Variants in PPME1 observed in about 807,000 individuals in gnomAD.
PPME1 encodes the protein protein phosphatase methylesterase 1, also known as testicular secretory protein Li 39.
Under a neutral mutation model 56.9 loss-of-function variants are expected in PPME1, and 17 were observed. The ratio of observed to expected loss-of-function variants is 0.30; its 90% CI spans 0.20 to 0.45. PPME1 has a LOEUF of 0.45. Among genes scored for constraint, PPME1 ranks in the 20% least tolerant of loss-of-function variants. PPME1 has a pLI of 1.00. For synonymous variants in PPME1, 122 were observed against 156.2 expected (o/e 0.78, Z 1.63); for missense variants, 357 against 483.2 (o/e 0.74, Z 2.45).
intron 1 of PPME1, among the ~76,000 whole-genome samples, chr11:74,187,948 A>T (rs983971611): frequency 1.3e-5 from 2 of 152,158 alleles, no homozygotes; most frequent in African/African-American, 2.4e-5. Context: ...AGAGAAGGAA[A>T]CAGAAGACCA....
At position 74,254,237 on chromosome 11, in the gene PPME1, G is replaced by T. The variant is rs1859778545; in HGVS notation, c.*727G>T. ...GCCTCCTGCGCCCTCACCTGCCACA[G>T]AGCAACCCAGGTTAAATACAGCCCA... On this transcript the variant is annotated 3_prime_UTR_variant, in exon 14 of 14. Transcript: ENST00000328257. 6.5e-6 allele frequency: 1 copy of T among 153,202 alleles called. No individual in the cohort carries two copies. 9.5% of individuals were successfully genotyped at this position (153,202 alleles called of 1,614,324 possible).
intron 9 of PPME1, among the ~76,000 whole-genome samples, chr11:74,239,513 G>A (rs1859292460): frequency 6.6e-6 from 1 of 150,776 alleles, no homozygotes; most frequent in Non-Finnish European, 1.5e-5. Context: ...TTCTGTTCCT[G>A]TGTTTCCTCC....
intron 3 of PPME1, among the ~76,000 whole-genome samples, chr11:74,217,930 C>G (rs1858698645): frequency 6.6e-6 from 1 of 151,960 alleles, no homozygotes; most frequent in Admixed American, 6.6e-5. Flanking sequence ...GAAGTCTTAG[C>G]TAGAGCAATC....
chr11:74,189,294 T>C (rs1213296458), intron 1 of PPME1, among the ~76,000 whole-genome samples: 2 of 152,094 alleles, frequency 1.3e-5, no homozygotes, highest in Non-Finnish European at 2.9e-5. Flanking sequence ...GCTTTACTTA[T>C]TTATTTATTT....
intron 1 of PPME1, among the ~76,000 whole-genome samples, chr11:74,201,949 C>G (rs1858181011): frequency 6.6e-6 from 1 of 152,040 alleles, no homozygotes; most frequent in Non-Finnish European, 1.5e-5. Flanking sequence ...TCAAGTGCAA[C>G]CAGAAAAGCA....
intron 1 of PPME1, among the ~76,000 whole-genome samples, chr11:74,188,078 T>G (rs569012771): frequency 3.3e-4 from 51 of 152,290 alleles, no homozygotes; most frequent in African/African-American, 1.2e-3. Context: ...TTTAGACCTC[T>G]CAATCTGGGC....
At chr11:74,203,386 G>T (rs1489528088) in intron 1 of PPME1, among the ~76,000 whole-genome samples, 2 of 152,124 alleles carry the variant, frequency 1.3e-5, no homozygotes, top group African/African-American at 2.4e-5. Flanking sequence ...ACAGCCAAGA[G>T]CAAGGTGAAA....
chr11:74,182,994 CA>C (rs34350281), intron 1 of PPME1, among the ~76,000 whole-genome samples: 55,763 of 129,410 alleles, frequency 0.43, 12,634 homozygotes, highest in Admixed American at 0.58. Flanking sequence ...TTGTCTCTAC[CA>C]AAAAAAAAAA....
At position 74,171,358 on chromosome 11, in the gene PPME1, G is replaced by C. The variant is rs1273113214; in HGVS notation, c.-64G>C. On this transcript the variant is annotated 5_prime_UTR_variant, in exon 1 of 14. Coordinates refer to ENST00000328257, the MANE Select transcript of PPME1 (RefSeq NM_016147.3). ...AGGGGAGCGAGTCGTGACCGGTTGGGCCACACTCAACGTGGGACGAAGCTT... is the reference window on the plus strand; with the variant it reads ...AGGGGAGCGAGTCGTGACCGGTTGGCCCACACTCAACGTGGGACGAAGCTT... 1 of 1,546,366 alleles carries C rather than the reference G, an allele frequency of 6.5e-7. No homozygotes were observed.
At position 74,230,240 on chromosome 11, in the gene PPME1, T is replaced by C; in HGVS notation, c.399-5T>C. On this transcript the variant is annotated splice_polypyrimidine_tract_variant and splice_region_variant and intron_variant, in intron 5 of 13. Transcript: ENST00000328257. The surrounding 1 kb of genome is among the most constrained non-coding windows in gnomAD (Gnocchi z 4.9). ...TTCTTAGATCTTTTTCTCTTCTCTT[T>C]GCAGAGACGTTGGCAATGTGGTTGA... 2 of 1,595,786 alleles carry C rather than the reference T, an allele frequency of 1.3e-6. No homozygotes were observed. Among genetic ancestry groups the C allele is most frequent in the South Asian group, 1.1e-5 (1 of 87,390 alleles).
At chr11:74,229,289 T>A (rs80133369) in intron 5 of PPME1, among the ~76,000 whole-genome samples, 7,412 of 152,138 alleles carry the variant, frequency 0.049, 566 homozygotes, top group African/African-American at 0.17. Context: ...TCTTTTGAAG[T>A]TGAACCAGCC....
At chr11:74,252,064 C>T (rs1250442561) in intron 13 of PPME1, among the ~76,000 whole-genome samples, 1 of 151,274 alleles carries the variant, frequency 6.6e-6, no homozygotes, top group Non-Finnish European at 1.5e-5. Context: ...CTTCTCCTGC[C>T]CTGCTGCCAA....
In PPME1 at chr11:74,231,247, G is replaced by A. The variant is rs570624877; in HGVS notation, c.644+245G>A. On this transcript the variant is annotated intron_variant, in intron 7 of 13. Transcript: ENST00000328257. The stretch of plus-strand genomic sequence containing the variant: ...TAATTTTTAAATTTTTTGTAGAAAC[G>A]AGGTCTTGCTATGTTGCCCAGGCTG... 2.0e-5 allele frequency among the ~76,000 whole-genome samples: 3 copies of A among 152,182 alleles called. No homozygotes were observed. In the South Asian group the frequency reaches 6.2e-4, roughly 32 times the overall value.
intron 5 of PPME1, among the ~76,000 whole-genome samples, chr11:74,225,881 A>T (rs1168247292): frequency 6.6e-6 from 1 of 152,000 alleles, no homozygotes; most frequent in Admixed American, 6.6e-5. Context: ...TAGGAATCTG[A>T]TGGAGCCAGT....
chr11:74,185,295 G>C (rs1024066079), intron 1 of PPME1, among the ~76,000 whole-genome samples: 3 of 152,106 alleles, frequency 2.0e-5, no homozygotes, highest in African/African-American at 7.2e-5. Flanking sequence ...ACCGCGCCTG[G>C]TCTGAAGTAT....
chr11:74,172,939 C>A (rs1042259469), intron 1 of PPME1, among the ~76,000 whole-genome samples: 1 of 151,816 alleles, frequency 6.6e-6, no homozygotes, highest in African/African-American at 2.4e-5. Flanking sequence ...ACAGTAAGTC[C>A]TAGGGATGAA....
intron 2 of PPME1, among the ~76,000 whole-genome samples, chr11:74,204,146 A>ATGTTTT (rs113525320): frequency 7.0e-6 from 1 of 143,230 alleles, no homozygotes. Flanking sequence ...GGCAAAGGGA[A>ATGTTTT]TTTTTTTTTT....
At chr11:74,245,691 C>G (rs939725180) in intron 9 of PPME1, among the ~76,000 whole-genome samples, 1 of 152,004 alleles carries the variant, frequency 6.6e-6, no homozygotes, top group Non-Finnish European at 1.5e-5. Flanking sequence ...CTGTTTCTTG[C>G]TTATATTATA....
chr11:74,252,616 G>A, intron 13 of PPME1: 1 of 447,244 alleles, frequency 2.2e-6, no homozygotes, highest in South Asian at 1.6e-5. Context: ...TCATTGTGGG[G>A]ACTGTCCTGT....
Sources: allele counts gnomAD v4.1 joint callset (sites outside exome capture counted in the v4.1 genomes callset), GRCh38; gene constraint gnomAD v4.1.1; non-coding constraint Gnocchi (gnomAD v3.1); transcripts MANE v1.5; gene names NCBI Gene and HGNC (gene_info 2026-07-23, HGNC 2026-07-21).